LRMDA: variants seen among roughly 807,000 people sequenced by gnomAD.
LRMDA encodes the protein leucine-rich melanocyte differentiation-associated protein.
Under a neutral mutation model 29.8 loss-of-function variants are expected in LRMDA, and 18 were observed. The ratio of observed to expected loss-of-function variants is 0.60; its 90% CI spans 0.42 to 0.90. The LOEUF is 0.90. Ranked by LOEUF, LRMDA falls within the 40% of genes least tolerant of loss-of-function variation. The probability of loss-of-function intolerance (pLI) is 0.00; values close to 1 mark genes in which losing one functional copy is unlikely to be tolerated. For synonymous variants in LRMDA, 125 were observed against 109.4 expected, an observed-to-expected ratio of 1.14 and a Z score of -0.89; for missense variants, 273 against 273.9, an observed-to-expected ratio of 1.00 and a Z score of 0.02.
intron 6 of LRMDA, among the ~76,000 whole-genome samples, chr10:76,466,105 G>C (rs1842561988): frequency 6.6e-6 from 1 of 152,080 alleles, no homozygotes; most frequent in Admixed American, 6.6e-5. Flanking sequence ...AAGGCAAGGG[G>C]GAAACATTGA....
chr10:76,302,592 T>C (rs1189459315), intron 5 of LRMDA, among the ~76,000 whole-genome samples: 7 of 152,296 alleles, frequency 4.6e-5, no homozygotes, highest in African/African-American at 1.7e-4. Context: ...TGGATACTCT[T>C]GTTTCTTGCC....
chr10:76,304,935 G>A (rs1019137197), intron 5 of LRMDA, among the ~76,000 whole-genome samples: 1 of 152,162 alleles, frequency 6.6e-6, no homozygotes, highest in African/African-American at 2.4e-5. Flanking sequence ...GGCAGGGGCT[G>A]GGGCAGAGGG....
At chr10:76,477,069 A>G (rs901572673) in intron 6 of LRMDA, among the ~76,000 whole-genome samples, 2 of 152,048 alleles carry the variant, frequency 1.3e-5, no homozygotes, top group South Asian at 2.1e-4. Flanking sequence ...GGCAGGATAA[A>G]TAAATAAAGG....
At chr10:76,213,684 G>A (rs545557231) in intron 5 of LRMDA, among the ~76,000 whole-genome samples, 20 of 152,200 alleles carry the variant, frequency 1.3e-4, no homozygotes, top group African/African-American at 3.1e-4. Flanking sequence ...TAATATATTC[G>A]TAAAGTTTCA....
intron 2 of LRMDA, among the ~76,000 whole-genome samples, chr10:75,515,662 G>A (rs1204551564): frequency 1.3e-5 from 2 of 152,056 alleles, no homozygotes; most frequent in Admixed American, 1.3e-4. Context: ...ATATAGGTAT[G>A]AGCCACTGTG....
intron 6 of LRMDA, among the ~76,000 whole-genome samples, chr10:76,463,786 C>T (rs182278443): frequency 2.5e-3 from 374 of 152,198 alleles, no homozygotes; most frequent in African/African-American, 8.6e-3. Flanking sequence ...TGAGTTTGTC[C>T]GCTTGTGTAT....
intron 5 of LRMDA, among the ~76,000 whole-genome samples, chr10:76,110,820 A>G (rs990139124): frequency 2.0e-5 from 3 of 152,100 alleles, no homozygotes; most frequent in Admixed American, 6.6e-5. Context: ...AGTCTCAGGT[A>G]TGTCTTTATC....
intron 2 of LRMDA, among the ~76,000 whole-genome samples, chr10:75,669,645 A>T (rs961547762): frequency 1.3e-5 from 2 of 152,230 alleles, no homozygotes; most frequent in East Asian, 1.9e-4. Flanking sequence ...AGTCAACTGC[A>T]GTTTGAAGGA....
chr10:76,196,886 G>A (rs1044875494), intron 5 of LRMDA, among the ~76,000 whole-genome samples: 12 of 152,186 alleles, frequency 7.9e-5, no homozygotes, highest in Non-Finnish European at 1.5e-4. Flanking sequence ...TACATCTTGC[G>A]TTGTCTTCTG....
chr10:75,832,621 A>G (rs1844365006), intron 2 of LRMDA, among the ~76,000 whole-genome samples: 1 of 152,136 alleles, frequency 6.6e-6, no homozygotes. Flanking sequence ...AATTTACTGT[A>G]TTAATCTGTC....
intron 5 of LRMDA, among the ~76,000 whole-genome samples, chr10:76,282,105 T>C (rs1840213899): frequency 6.6e-6 from 1 of 152,224 alleles, no homozygotes; most frequent in Non-Finnish European, 1.5e-5. Context: ...ATATATTTTG[T>C]GTAAATCTGT....
chr10:76,117,025 C>A (rs1849679006), intron 5 of LRMDA, among the ~76,000 whole-genome samples: 1 of 152,152 alleles, frequency 6.6e-6, no homozygotes, highest in African/African-American at 2.4e-5. Context: ...AGAACCTGGG[C>A]TGGGCAGTGA....
At chr10:76,479,013 G>T (rs564927446) in intron 6 of LRMDA, among the ~76,000 whole-genome samples, 1 of 151,442 alleles carries the variant, frequency 6.6e-6, no homozygotes, top group African/African-American at 2.4e-5. Context: ...AAACCTGCAC[G>T]TTGTACACAT....
intron 2 of LRMDA, among the ~76,000 whole-genome samples, chr10:75,870,591 G>A (rs1845092914): frequency 6.6e-6 from 1 of 152,134 alleles, no homozygotes; most frequent in African/African-American, 2.4e-5. Flanking sequence ...TCTGGTGGGC[G>A]CTTCTAGGTC....
rs141689397 is a variant in LRMDA at position 75,724,321 on chromosome 10, C to T, written c.131+285827C>T. On this transcript the variant is annotated intron_variant, in intron 2 of 6. Coordinates refer to ENST00000611255, the MANE Select transcript of LRMDA (RefSeq NM_001305581.2). ...GACGTTTCACAGAGTGCCAGCAAAA[C>T]AGGGCTCCCCATTATGCCACCCATT... Among the ~76,000 whole-genome samples the T allele has an allele frequency of 1.3e-5, 2 of 152,320 alleles. 1 individual carries two copies. The highest frequency in any genetic ancestry group is 3.9e-4 in the East Asian group (2 of 5,190).
chr10:75,817,061 T>A (rs1209454924), intron 2 of LRMDA, among the ~76,000 whole-genome samples: 4 of 152,232 alleles, frequency 2.6e-5, no homozygotes, highest in African/African-American at 7.2e-5. Context: ...CCTGGCCTCA[T>A]CATCGGTAGT....
chr10:76,448,061 G>A (rs1366442707), intron 6 of LRMDA, among the ~76,000 whole-genome samples: 1 of 151,988 alleles, frequency 6.6e-6, no homozygotes, highest in East Asian at 1.9e-4. Flanking sequence ...AGTTTATTTT[G>A]ATAGTAAAAG....
At chr10:75,914,395 C>T (rs911636648) in intron 2 of LRMDA, among the ~76,000 whole-genome samples, 1 of 152,208 alleles carries the variant, frequency 6.6e-6, no homozygotes, top group African/African-American at 2.4e-5. Flanking sequence ...AGAGATGCAG[C>T]CTTTTCTGTC....
intron 5 of LRMDA, among the ~76,000 whole-genome samples, chr10:76,222,255 C>T (rs1851856832): frequency 6.6e-6 from 1 of 152,134 alleles, no homozygotes; most frequent in African/African-American, 2.4e-5. Context: ...CAACAAAAGC[C>T]ACAATTGACA....
Sources: gnomAD v4.1 joint callset for allele counts (sites outside exome capture counted in the v4.1 genomes callset) on GRCh38, gnomAD v4.1.1 for gene constraint, MANE v1.5 for transcripts, NCBI Gene and HGNC (gene_info 2026-07-23, HGNC 2026-07-21) for gene names.